Variants in AREL1 observed in about 807,000 individuals in gnomAD.
The protein encoded by AREL1 is apoptosis resistant E3 ubiquitin protein ligase 1.
Under a neutral mutation model 99.0 loss-of-function variants are expected in AREL1, and 62 were observed. The observed-to-expected ratio is 0.63, with a 90% confidence interval of 0.51 to 0.77. The LOEUF (loss-of-function observed/expected upper bound fraction) is 0.77, where lower values mean the gene tolerates loss of function less well. Ranked by LOEUF, AREL1 falls within the 30% of genes least tolerant of loss-of-function variation. The pLI is 0.00. For synonymous variants in AREL1, 380 were observed against 376.5 expected (o/e 1.01, Z -0.11); for missense variants, 879 against 1,027.6 (o/e 0.86, Z 1.98).
At chr14:74,709,504 C>G (rs1006778288) in intron 1 of AREL1, among the ~76,000 whole-genome samples, 12 of 152,306 alleles carry the variant, frequency 7.9e-5, no homozygotes, top group Non-Finnish European at 1.3e-4. Context: ...TTCTGTAATA[C>G]AGGACTGTGG....
chr14:74,684,327 A>G (rs2089698740), intron 4 of AREL1, 127 bp downstream of exon 4: 1 of 774,914 alleles, frequency 1.3e-6, no homozygotes, highest in Non-Finnish European at 2.1e-6. Context: ...GATAGTAGCA[A>G]TTCACTAGTT....
chr14:74,700,143 GGAT>G (rs1436358276), intron 1 of AREL1, among the ~76,000 whole-genome samples: 1 of 152,236 alleles, frequency 6.6e-6, no homozygotes, highest in Non-Finnish European at 1.5e-5. Context: ...GTTCTCTGAA[GGAT>G]GATGATAACA....
rs2090313731 is a variant in AREL1 at position 74,712,061 on chromosome 14, A to G, written c.-334+872T>C. The G allele has an allele frequency of 2.8e-3, 134 of 48,602 alleles. 1 individual carries two copies. The highest frequency in any genetic ancestry group is 0.018 in the Admixed American group (83 of 4,686). 3.0% of individuals were successfully genotyped at this position (48,602 alleles called of 1,614,324 possible). ...TGCAAAAAAAAAAAAAAAAAAAAAAAAAAAAAGAAAAAAAAAGAAAGAAAG... is the reference window on the plus strand; with the variant it reads ...TGCAAAAAAAAAAAAAAAAAAAAAAGAAAAAAGAAAAAAAAAGAAAGAAAG... On this transcript the variant is annotated intron_variant, in intron 1 of 19. Coordinates refer to ENST00000356357, the MANE Select transcript of AREL1 (RefSeq NM_001039479.2).
intron 9 of AREL1, among the ~76,000 whole-genome samples, chr14:74,673,745 G>C (rs1204923159): frequency 2.0e-5 from 3 of 152,236 alleles, no homozygotes; most frequent in Non-Finnish European, 4.4e-5. Context: ...GCTTGGGCCA[G>C]AGTTACAAAC....
Position 74,670,275 on chromosome 14 carries a change from C to T in AREL1, c.1609-149G>A. On this transcript the variant is annotated intron_variant, in intron 13 of 19. Transcript: ENST00000356357. ...CCAAATGTTAGTTTTTTGGTAGCCA[C>T]CACTGAGTAATTCAAAGTGACTAGA... The T allele has an allele frequency of 3.0e-6, 2 of 673,792 alleles. 1 individual carries two copies. The highest frequency in any genetic ancestry group is 5.8e-5 in the South Asian group (2 of 34,254). The allele number at this position is 673,792 out of a possible 1,614,324, so 41.7% of individuals were successfully genotyped here. A position where few individuals can be genotyped will look rare whatever the true frequency, so the allele number is the denominator to read the frequency against.
Position 74,707,385 on chromosome 14 carries a change from G to A in AREL1, c.-334+5548C>T, listed in dbSNP as rs932436442. On this transcript the variant is annotated intron_variant, in intron 1 of 19. Transcript: ENST00000356357. ...CTCCATTTTAAAAAAAAAAGAGGCC[G>A]GGCACAGTGGATCACACCGGTAATC... is the stretch of plus-strand genomic sequence containing the variant. Among the ~76,000 whole-genome samples the A allele has an allele frequency of 1.1e-4, 17 of 151,198 alleles. 1 individual carries two copies. The South Asian group carries it at 3.1e-3, about 28-fold the overall frequency.
chr14:74,661,822 G>A lies in AREL1; in HGVS notation c.*1898C>T, dbSNP rs949257669. On this transcript the variant is annotated 3_prime_UTR_variant, in exon 20 of 20. Transcript: ENST00000356357. The stretch of plus-strand genomic sequence containing the variant: ...AAGTGCTATGACTAGAGCTTAAAAT[G>A]ACAGGTCTAGCCAAGACAATCAACT... 1 of 152,688 alleles carries A rather than the reference G, an allele frequency of 6.5e-6. No homozygotes were observed. The highest frequency in any genetic ancestry group is 6.5e-5 in the Admixed American group (1 of 15,312). The allele number at this position is 152,688 out of a possible 1,614,324, so 9.5% of individuals were successfully genotyped here. A position where few individuals can be genotyped will look rare whatever the true frequency, so the allele number is the denominator to read the frequency against.
At chr14:74,675,493 A>T (rs751248662) in intron 8 of AREL1, among the ~76,000 whole-genome samples, 5 of 152,238 alleles carry the variant, frequency 3.3e-5, no homozygotes, top group Non-Finnish European at 7.3e-5. Context: ...AGAACAAAAG[A>T]TCAAATTGTT....
chr14:74,706,652 T>C (rs1279180103), intron 1 of AREL1, among the ~76,000 whole-genome samples: 2 of 152,162 alleles, frequency 1.3e-5, no homozygotes, highest in Admixed American at 6.5e-5. Flanking sequence ...AAATGCATAT[T>C]AAGAAGCGAC....
Position 74,694,924 on chromosome 14 carries a change from G to A in AREL1, c.-333-2596C>T, listed in dbSNP as rs564773384. On this transcript the variant is annotated intron_variant, in intron 1 of 19. Coordinates refer to ENST00000356357, the MANE Select transcript of AREL1 (RefSeq NM_001039479.2). ...GAATGGTGTGAACCCGGGAGGCGGA[G>A]TTTGCCGTGAGCCAAGATTGCGCCA... Among the ~76,000 whole-genome samples, 102 of 145,948 alleles carry A rather than the reference G, an allele frequency of 7.0e-4. 1 individual carries two copies. The highest frequency in any genetic ancestry group is 2.5e-3 in the African/African-American group (98 of 39,812).
At chr14:74,705,402 C>G (rs962806031) in intron 1 of AREL1, among the ~76,000 whole-genome samples, 2 of 152,144 alleles carry the variant, frequency 1.3e-5, no homozygotes, top group African/African-American at 4.8e-5. Context: ...TTCCTCTCTT[C>G]AATCTAGTAA....
At chr14:74,709,815 T>C (rs540833827) in intron 1 of AREL1, among the ~76,000 whole-genome samples, 1 of 152,344 alleles carries the variant, frequency 6.6e-6, no homozygotes, top group East Asian at 1.9e-4. Flanking sequence ...TTTCTAACAT[T>C]GAAATACAAG....
In AREL1 at chr14:74,672,889, A is replaced by G. The variant is rs766370489; in HGVS notation, c.1364T>C (p.Met455Thr). 4 of 1,614,172 alleles carry G rather than the reference A, an allele frequency of 2.5e-6. No individual in the cohort carries two copies. Among genetic ancestry groups the G allele is most frequent in the Non-Finnish European group, 3.4e-6 (4 of 1,180,028 alleles). ...FFQRELRQVH[M>T]KRPHSKVTLK... is the part of the protein sequence containing the mutation. ...GGTGACTTTGGAATGTGGTCTTTTCATATGTACCTGCCGAAGCTCTCGCTG... is the reference window on the plus strand; with the variant it reads ...GGTGACTTTGGAATGTGGTCTTTTCGTATGTACCTGCCGAAGCTCTCGCTG... Residue 455 changes from methionine to threonine, a missense_variant, in exon 11 of 20, where the codon ATG becomes ACG. Coordinates refer to ENST00000356357, the MANE Select transcript of AREL1 (RefSeq NM_001039479.2).
chr14:74,662,153 C>G lies in AREL1; in HGVS notation c.*1567G>C, dbSNP rs183738445. Reference sequence around the variant, plus strand: ...ACCCCAAGGATGAGTGAGGTCAGCACCCATGTGCCAAGAAAGGACAAATGA... The same window carrying G: ...ACCCCAAGGATGAGTGAGGTCAGCAGCCATGTGCCAAGAAAGGACAAATGA... On this transcript the variant is annotated 3_prime_UTR_variant, in exon 20 of 20. Coordinates refer to ENST00000356357, the MANE Select transcript of AREL1 (RefSeq NM_001039479.2). 6.6e-4 allele frequency: 103 copies of G among 156,392 alleles called. 1 individual carries two copies. Among genetic ancestry groups the G allele is most frequent in the Middle Eastern group, 3.2e-3 (1 of 312 alleles). The allele number at this position is 156,392 out of a possible 1,614,324, so 9.7% of individuals were successfully genotyped here.
At chr14:74,683,650 ACCTAC>A (rs2089684907) in intron 4 of AREL1, 117 bp from the exon 5 acceptor site, 4 of 836,592 alleles carry the variant, frequency 4.8e-6, no homozygotes, top group Non-Finnish European at 7.8e-6. Flanking sequence ...AAATCCCAGT[ACCTAC>A]CCTGTTCCTC....
chr14:74,683,511 G>A lies in AREL1; in HGVS notation c.266C>T (p.Pro89Leu). ...RVHLFYKNGQ[P>L]FPAHRPVGLR... ...TCCCACAGGCCGATGTGCAGGGAAAGGCTGCCCGTTCTTATAGAATAACTG... is the reference window on the plus strand; with the variant it reads ...TCCCACAGGCCGATGTGCAGGGAAAAGCTGCCCGTTCTTATAGAATAACTG... Residue 89 changes from proline (P) to leucine (L), a missense_variant, in exon 5 of 20, where the codon CCT (proline) becomes CTT (leucine). Transcript: ENST00000356357. 2 of 1,614,098 alleles carry A rather than the reference G, an allele frequency of 1.2e-6. No individual in the cohort carries two copies. Among genetic ancestry groups the A allele is most frequent in the South Asian group, 1.1e-5 (1 of 91,082 alleles).
At position 74,664,828 on chromosome 14, in the gene AREL1, C is replaced by T. The variant is rs778634161; in HGVS notation, c.2193+8G>A. The T allele has an allele frequency of 6.8e-6, 11 of 1,612,144 alleles. No individual in the cohort carries two copies. Among genetic ancestry groups the T allele is most frequent in the Non-Finnish European group, 9.3e-6 (11 of 1,178,798 alleles). On this transcript the variant is annotated splice_region_variant and intron_variant, in intron 18 of 19. Transcript: ENST00000356357. ...CAAATCCAACTGAAAGAAGTTTGGT[C>T]CATTTACCTTTTCTCTGAAATGCCA...
chr14:74,672,169 T>G (rs2089363174), intron 11 of AREL1: 1 of 295,504 alleles, frequency 3.4e-6, no homozygotes, highest in Admixed American at 3.8e-5. Context: ...AACAAGAAGT[T>G]TCTTCTGTAA....
At chr14:74,700,845 A>C (rs937897046) in intron 1 of AREL1, among the ~76,000 whole-genome samples, 1 of 152,230 alleles carries the variant, frequency 6.6e-6, no homozygotes, top group Non-Finnish European at 1.5e-5. Flanking sequence ...GACTTTAAGC[A>C]ACAACAACAA....
Sources: gnomAD v4.1 joint callset for allele counts (sites outside exome capture counted in the v4.1 genomes callset) on GRCh38, gnomAD v4.1.1 for gene constraint, MANE v1.5 for transcripts, NCBI Gene and HGNC (gene_info 2026-07-23, HGNC 2026-07-21) for gene names.